The following S100Z variants were observed in gnomAD, a reference collection of about 807,000 sequenced individuals.
S100Z encodes S100 calcium binding protein Z.
A neutral mutation model predicts 8.5 loss-of-function variants in S100Z; 11 were observed. The ratio of observed to expected loss-of-function variants is 1.30; its 90% CI spans 0.82 to 2.15. The LOEUF (loss-of-function observed/expected upper bound fraction) is 2.15, where lower values mean the gene tolerates loss of function less well. Ranked by LOEUF, S100Z falls within the 30% of genes most tolerant of loss-of-function variation. The pLI, the probability that S100Z is intolerant of heterozygous loss-of-function variation, is 0.00. For synonymous variants in S100Z, 34 were observed against 43.8 expected (o/e 0.78, Z 0.89); for missense variants, 126 against 117.9 (o/e 1.07, Z -0.32).
At chr5:76,863,695 C>G (rs900654856) in intron 1 of S100Z, among the ~76,000 whole-genome samples, 7 of 151,862 alleles carry the variant, frequency 4.6e-5, no homozygotes, top group Non-Finnish European at 8.8e-5. Flanking sequence ...CCCGCCACCA[C>G]ACCCAGCTAA....
chr5:76,913,348 A>C (rs1744733109), intron 4 of S100Z, among the ~76,000 whole-genome samples: 1 of 152,236 alleles, frequency 6.6e-6, no homozygotes, highest in African/African-American at 2.4e-5. Flanking sequence ...GGAAAAAGAC[A>C]CAATGGATAT....
At chr5:76,869,597 G>A (rs1015582733) in intron 1 of S100Z, among the ~76,000 whole-genome samples, 1 of 152,176 alleles carries the variant, frequency 6.6e-6, no homozygotes, top group Admixed American at 6.5e-5. Context: ...CAGAATAGAC[G>A]TGAGAATGGA....
chr5:76,909,743 C>T (rs1392942997), intron 4 of S100Z, among the ~76,000 whole-genome samples: 1 of 152,112 alleles, frequency 6.6e-6, no homozygotes, highest in Non-Finnish European at 1.5e-5. Context: ...TCCCCTTCTC[C>T]CTCTCTAATT....
At chr5:76,947,091 T>C in the S100Z span, among the ~76,000 whole-genome samples, 1 of 152,266 alleles carries the variant, frequency 6.6e-6, no homozygotes, top group East Asian at 1.9e-4. Flanking sequence ...TTAGAATTGT[T>C]GGTGGCCTGT....
the S100Z span, among the ~76,000 whole-genome samples, chr5:76,943,575 C>T: frequency 3.3e-5 from 5 of 152,164 alleles, no homozygotes; most frequent in African/African-American, 1.2e-4. Context: ...CCATTCGGTG[C>T]CCAGGAGGCA....
At chr5:76,888,370 T>TTTA (rs1743727839) in intron 4 of S100Z, among the ~76,000 whole-genome samples, 1 of 77,086 alleles carries the variant, frequency 1.3e-5, no homozygotes, top group Non-Finnish European at 2.7e-5. Context: ...TGCTGGTATT[T>TTTA]TTTTTTTTTT....
chr5:76,892,168 A>T (rs186379844), intron 4 of S100Z, among the ~76,000 whole-genome samples: 1 of 152,210 alleles, frequency 6.6e-6, no homozygotes, highest in African/African-American at 2.4e-5. Context: ...GGTGGTAACC[A>T]TGGTGATGAT....
At chr5:76,859,909 T>A (rs1358845473) in intron 1 of S100Z, among the ~76,000 whole-genome samples, 2 of 152,026 alleles carry the variant, frequency 1.3e-5, no homozygotes, top group Non-Finnish European at 2.9e-5. Context: ...GTAAATTGGG[T>A]TTGTAACCTA....
Position 76,855,227 on chromosome 5 carries a change from G to A in S100Z, c.-176+5072G>A, listed in dbSNP as rs138213625. On this transcript the variant is annotated intron_variant, in intron 1 of 4. Transcript: ENST00000317593. ...GTTGTAGCCCCCACACAGAGTCCCCGTTGGGGCATTGCCTAGTAGAGCTAT... is the reference window on the plus strand; with the variant it reads ...GTTGTAGCCCCCACACAGAGTCCCCATTGGGGCATTGCCTAGTAGAGCTAT... Among the ~76,000 whole-genome samples, 52 of 152,308 alleles carry A rather than the reference G, an allele frequency of 3.4e-4. 1 individual carries two copies. In the South Asian group the frequency reaches 3.5e-3, roughly 10 times the overall value.
chr5:76,931,274 A>AT, the S100Z span, among the ~76,000 whole-genome samples: 6 of 151,736 alleles, frequency 4.0e-5, no homozygotes, highest in Non-Finnish European at 5.9e-5. Flanking sequence ...CACCTGGCTA[A>AT]TTTTTTAAAA....
chr5:76,851,959 T>C (rs1239494953), intron 1 of S100Z, among the ~76,000 whole-genome samples: 2 of 152,172 alleles, frequency 1.3e-5, no homozygotes, highest in Non-Finnish European at 2.9e-5. Context: ...TGCAGTCTTA[T>C]GTTTGTCTGT....
chr5:76,861,971 C>T (rs192893370), intron 1 of S100Z, among the ~76,000 whole-genome samples: 1 of 152,064 alleles, frequency 6.6e-6, no homozygotes, highest in Admixed American at 6.6e-5. Flanking sequence ...AGTTATTCAC[C>T]TTCATCTGAC....
intron 4 of S100Z, among the ~76,000 whole-genome samples, chr5:76,901,017 A>T (rs2150670269): frequency 6.6e-6 from 1 of 152,338 alleles, no homozygotes; most frequent in Non-Finnish European, 1.5e-5. Context: ...ATCTGGAAGA[A>T]TTCTCTGGAT....
downstream of S100Z, among the ~76,000 whole-genome samples, chr5:76,925,837 T>G (rs991092644): frequency 5.9e-5 from 9 of 152,030 alleles, no homozygotes; most frequent in African/African-American, 9.7e-5. Context: ...TGTGGTGGCG[T>G]GCACCTGTAG....
intron 2 of S100Z, among the ~76,000 whole-genome samples, chr5:76,874,574 A>G (rs2150638687): frequency 6.6e-6 from 1 of 152,308 alleles, no homozygotes; most frequent in Middle Eastern, 3.4e-3. Flanking sequence ...CTTCCCGGAA[A>G]CAGGTGTGCT....
intron 4 of S100Z, among the ~76,000 whole-genome samples, chr5:76,917,593 T>C (rs1455617339): frequency 6.6e-6 from 1 of 152,050 alleles, no homozygotes; most frequent in Non-Finnish European, 1.5e-5. Flanking sequence ...TTTTGGGAAG[T>C]GGTTGGATCA....
intron 4 of S100Z, among the ~76,000 whole-genome samples, chr5:76,893,804 C>T (rs141199632): frequency 7.0e-4 from 107 of 152,254 alleles, no homozygotes; most frequent in Middle Eastern, 3.4e-3. Flanking sequence ...TAATAGCTAA[C>T]CTTTTCTCAG....
In S100Z at chr5:76,907,874, A is replaced by G. The variant is rs182360246; in HGVS notation, c.*3-12843A>G. ...CCAGGTGCAGTGGCTCACACCTATAATCCTAGCAGTTTGGGAGGCCAAGGC... is the reference window on the plus strand; with the variant it reads ...CCAGGTGCAGTGGCTCACACCTATAGTCCTAGCAGTTTGGGAGGCCAAGGC... On this transcript the variant is annotated intron_variant, in intron 4 of 4. Transcript: ENST00000317593. 1.6e-4 allele frequency among the ~76,000 whole-genome samples: 24 copies of G among 152,240 alleles called. No homozygotes were observed. In the East Asian group the frequency reaches 4.6e-3, roughly 29 times the overall value.
chr5:76,916,209 T>C (rs1050584451), intron 4 of S100Z, among the ~76,000 whole-genome samples: 1 of 148,148 alleles, frequency 6.8e-6, no homozygotes, highest in Non-Finnish European at 1.5e-5. Context: ...ACATTACTAA[T>C]AATAAAAGTA....
Sources: gnomAD v4.1 joint callset for allele counts (sites outside exome capture counted in the v4.1 genomes callset) on GRCh38, gnomAD v4.1.1 for gene constraint, MANE v1.5 for transcripts, NCBI Gene and HGNC (gene_info 2026-07-23, HGNC 2026-07-21) for gene names.